SQSTM1: variants seen among roughly 807,000 people sequenced by gnomAD.
SQSTM1 encodes sequestosome 1.
SQSTM1 carries 36 observed loss-of-function variants against 45.1 expected under a neutral mutation model. The observed-to-expected ratio is 0.80, with a 90% CI of 0.61 to 1.05. SQSTM1 has a LOEUF of 1.05. SQSTM1 is among the 50% of genes least tolerant of loss of function. The pLI, the probability that SQSTM1 is intolerant of heterozygous loss-of-function variation, is 0.00. For missense variants in SQSTM1, 617 were observed against 607.1 expected, an observed-to-expected ratio of 1.02 and a Z score of -0.17; for synonymous variants, 290 against 244.3, an observed-to-expected ratio of 1.19 and a Z score of -1.74.
chr5:179,817,342 C>G (rs951796090), upstream of SQSTM1, among the ~76,000 whole-genome samples: 1 of 152,160 alleles, frequency 6.6e-6, no homozygotes, highest in Admixed American at 6.5e-5. Flanking sequence ...CTCCATCCCT[C>G]CCCCCTTTTC....
Position 179,837,484 on chromosome 5 carries a change from C to T in SQSTM1, c.*891C>T. 1 of 1,614,118 alleles carries T rather than the reference C, an allele frequency of 6.2e-7. No individual in the cohort carries two copies. Among genetic ancestry groups the T allele is most frequent in the South Asian group, 1.1e-5 (1 of 91,082 alleles). ...GTGCCTCCAGGACCAGGGGCCCACCCTCTGCCCAGGGAGTCCTTGCGTCCC... is the reference window on the plus strand; with the variant it reads ...GTGCCTCCAGGACCAGGGGCCCACCTTCTGCCCAGGGAGTCCTTGCGTCCC... On this transcript the variant is annotated 3_prime_UTR_variant, in exon 8 of 8. Transcript: ENST00000389805.
intron 7 of SQSTM1, 135 bp downstream of exon 7, chr5:179,833,917 A>T: frequency 1.0e-6 from 1 of 1,003,670 alleles, no homozygotes; most frequent in Non-Finnish European, 1.5e-6. Flanking sequence ...GTGGGAGGTT[A>T]GGAGTTGGTT....
chr5:179,809,431 G>GAT (rs1310654100), intron 1 of SQSTM1, among the ~76,000 whole-genome samples: 3 of 142,152 alleles, frequency 2.1e-5, no homozygotes, highest in African/African-American at 8.0e-5. Context: ...CCACCTCCTG[G>GAT]ATACAAGCAA....
chr5:179,830,658 A>G (rs1184322596), intron 5 of SQSTM1, among the ~76,000 whole-genome samples: 3 of 151,922 alleles, frequency 2.0e-5, no homozygotes, highest in African/African-American at 4.8e-5. Context: ...TCCTGGGTTC[A>G]AGCAATTTTC....
intron 1 of SQSTM1, chr5:179,808,206 C>G (rs1757268049): frequency 1.3e-5 from 2 of 152,284 alleles, no homozygotes; most frequent in South Asian, 4.1e-4. Context: ...CCTAGTTCAG[C>G]CCCGGCCCAC....
At chr5:179,818,368 C>T (rs1216247186), upstream of SQSTM1, among the ~76,000 whole-genome samples, 2 of 152,216 alleles carry the variant, frequency 1.3e-5, no homozygotes, top group African/African-American at 2.4e-5. Context: ...TGGCCCAGAG[C>T]AGTGCGGCCT....
chr5:179,821,779 A>G (rs1221286165), intron 1 of SQSTM1: 2 of 313,630 alleles, frequency 6.4e-6, no homozygotes, highest in Non-Finnish European at 1.2e-5. Context: ...TTGGCACAGA[A>G]GCCCTGTTTC....
upstream of SQSTM1, among the ~76,000 whole-genome samples, chr5:179,819,729 G>A (rs1272856618): frequency 2.6e-5 from 4 of 152,200 alleles, no homozygotes; most frequent in Non-Finnish European, 4.4e-5. Context: ...TGCAGGGAGA[G>A]GCCTGAACCC....
chr5:179,823,768 C>T, intron 2 of SQSTM1, 90 bp from the exon 3 acceptor site: 2 of 1,410,774 alleles, frequency 1.4e-6, no homozygotes, highest in Non-Finnish European at 2.0e-6. Flanking sequence ...GGGCCGGGGG[C>T]CTTGCTGGCA....
At chr5:179,818,372 G>T (rs1048380128), upstream of SQSTM1, among the ~76,000 whole-genome samples, 1 of 152,198 alleles carries the variant, frequency 6.6e-6, no homozygotes, top group Non-Finnish European at 1.5e-5. Context: ...CCAGAGCAGT[G>T]CGGCCTGAAT....
At chr5:179,821,707 G>C (rs1026364680) in intron 1 of SQSTM1, 7 of 349,194 alleles carry the variant, frequency 2.0e-5, no homozygotes, top group Admixed American at 1.1e-4. Flanking sequence ...CTCCGAGCCA[G>C]GTCGAGTACA....
At chr5:179,823,198 G>T (rs1185337938) in intron 2 of SQSTM1, 145 bp downstream of exon 2, 3 of 800,808 alleles carry the variant, frequency 3.7e-6, no homozygotes, top group African/African-American at 1.7e-5. Context: ...GCCAGGTGTG[G>T]CTCACGCCTG....
intron 5 of SQSTM1, among the ~76,000 whole-genome samples, chr5:179,829,882 G>A (rs1758141951): frequency 6.6e-6 from 1 of 152,184 alleles, no homozygotes; most frequent in Non-Finnish European, 1.5e-5. Flanking sequence ...GATGACTTGA[G>A]CTCACGAGTT....
Position 179,837,650 on chromosome 5 carries a change from C to T in SQSTM1, c.*1057C>T. 6.2e-7 allele frequency: 1 copy of T among 1,614,208 alleles called. No homozygotes were observed. The highest frequency in any genetic ancestry group is 8.5e-7 in the Non-Finnish European group (1 of 1,180,048). On this transcript the variant is annotated 3_prime_UTR_variant, in exon 8 of 8. Coordinates refer to ENST00000389805, the MANE Select transcript of SQSTM1 (RefSeq NM_003900.5). ...GGTCCCTTGCTTAGCCTGTGCTGGA[C>T]CAGCTGGCCTGGGGTCCCTCTGAAG...
chr5:179,806,893 G>A lies in SQSTM1; in HGVS notation c.-157+302G>A, dbSNP rs1255421362. 4 of 150,852 alleles carry A rather than the reference G, an allele frequency of 2.7e-5. No individual in the cohort carries two copies. Among genetic ancestry groups the A allele is most frequent in the Non-Finnish European group, 5.9e-5 (4 of 67,832 alleles). The allele number at this position is 150,852 out of a possible 1,614,324, so 9.3% of individuals were successfully genotyped here. ...GCGGCCTCGCCTCCGCGGCAGGGCC[G>A]GGCCGGGCCGGGCTGGGCTGGGCTG... On this transcript the variant is annotated intron_variant, in intron 1 of 5. Transcript: ENST00000514093. This position sits in a 1 kb window ranked among gnomAD's most constrained non-coding sequence, Gnocchi z 4.6.
chr5:179,816,570 C>A (rs894056582), upstream of SQSTM1, among the ~76,000 whole-genome samples: 25 of 152,222 alleles, frequency 1.6e-4, no homozygotes, highest in Non-Finnish European at 1.5e-5. Context: ...GGGGTACTCC[C>A]GGTGCGGCCT....
At chr5:179,822,651 G>A (rs369291177) in intron 1 of SQSTM1, 55 of 398,816 alleles carry the variant, frequency 1.4e-4, no homozygotes, top group East Asian at 7.6e-4. Context: ...GAGGTGGCAC[G>A]TTTCTGAAAA....
intron 5 of SQSTM1, 138 bp downstream of exon 5, chr5:179,825,364 A>G (rs146306797): frequency 3.7e-6 from 3 of 806,454 alleles, no homozygotes; most frequent in Non-Finnish European, 6.3e-6. Flanking sequence ...ATCAACCTTT[A>G]GTAGTGCTGG....
chr5:179,830,470 C>A (rs948511313), intron 5 of SQSTM1, among the ~76,000 whole-genome samples: 1 of 152,102 alleles, frequency 6.6e-6, no homozygotes, highest in Admixed American at 6.6e-5. Context: ...TTGTCTTCAT[C>A]TCGTGGGCTC....
Sources: gnomAD v4.1 joint callset for allele counts (sites outside exome capture counted in the v4.1 genomes callset) on GRCh38, gnomAD v4.1.1 for gene constraint, Gnocchi (gnomAD v3.1) non-coding constraint, MANE v1.5 for transcripts, NCBI Gene and HGNC (gene_info 2026-07-23, HGNC 2026-07-21) for gene names.